TRAPPC9: variants seen among roughly 807,000 people sequenced by gnomAD.
TRAPPC9 encodes the protein IKK2 binding protein.
A neutral mutation model predicts 124.0 loss-of-function variants in TRAPPC9; 83 were observed. That is an observed-to-expected ratio of 0.67 (90% CI 0.56 to 0.80). The LOEUF (loss-of-function observed/expected upper bound fraction) is 0.80, where lower values mean the gene tolerates loss of function less well. TRAPPC9 is among the 30% of genes least tolerant of loss of function. The pLI, the probability that TRAPPC9 is intolerant of heterozygous loss-of-function variation, is 0.00. For missense variants in TRAPPC9, 1,302 were observed against 1,508.3 expected (o/e 0.86, Z 2.27); for synonymous variants, 638 against 617.5 (o/e 1.03, Z -0.49).
At chr8:139,938,006 C>G (rs1833646446) in intron 19 of TRAPPC9, among the ~76,000 whole-genome samples, 1 of 152,064 alleles carries the variant, frequency 6.6e-6, no homozygotes, top group Non-Finnish European at 1.5e-5. Flanking sequence ...GAGATCAACT[C>G]AGCCAGAAAA....
At chr8:140,263,073 G>C (rs370652327) in intron 15 of TRAPPC9, among the ~76,000 whole-genome samples, 1 of 152,166 alleles carries the variant, frequency 6.6e-6, no homozygotes, top group Non-Finnish European at 1.5e-5. Flanking sequence ...CACTCAGCCC[G>C]GTGTCCCCAG....
intron 19 of TRAPPC9, among the ~76,000 whole-genome samples, chr8:139,949,037 T>A (rs1834462167): frequency 6.6e-6 from 1 of 151,982 alleles, no homozygotes. Context: ...TGCACCACTG[T>A]ACTCCGGCCT....
chr8:139,838,661 C>CGG lies in TRAPPC9; in HGVS notation c.3055+47216_3055+47217dup, dbSNP rs145260856. On this transcript the variant is annotated intron_variant, in intron 21 of 22. Coordinates refer to ENST00000438773, the MANE Select transcript of TRAPPC9 (RefSeq NM_001160372.4). ...CAGGAAGAGGCTGCTGCTGTGATGA[C>CGG]GGGTGGGTGGCAAGGTTACCGAGGA... Among the ~76,000 whole-genome samples the CGG allele has an allele frequency of 4.6e-3, 702 of 152,134 alleles. 6 individuals are homozygous for CGG. Among genetic ancestry groups the CGG allele is most frequent in the African/African-American group, 0.016 (650 of 41,498 alleles).
chr8:139,919,788 C>T (rs1437214993), intron 19 of TRAPPC9, among the ~76,000 whole-genome samples: 2 of 152,198 alleles, frequency 1.3e-5, no homozygotes, highest in African/African-American at 4.8e-5. Flanking sequence ...TGGCCCAGAG[C>T]AGGTGCGGAG....
At chr8:139,816,493 C>G (rs1824844436) in intron 21 of TRAPPC9, among the ~76,000 whole-genome samples, 1 of 152,116 alleles carries the variant, frequency 6.6e-6, no homozygotes. Context: ...GGGGCTGCCC[C>G]CATCTCAGTA....
At chr8:140,323,664 A>G (rs1174004923) in intron 9 of TRAPPC9, among the ~76,000 whole-genome samples, 1 of 152,210 alleles carries the variant, frequency 6.6e-6, no homozygotes, top group Non-Finnish European at 1.5e-5. Context: ...TGTCATGTTG[A>G]GAGAACAGAA....
intron 17 of TRAPPC9, among the ~76,000 whole-genome samples, chr8:140,046,128 G>T (rs1281327859): frequency 2.0e-5 from 3 of 152,194 alleles, no homozygotes; most frequent in Non-Finnish European, 2.9e-5. Flanking sequence ...TGCCCAAGGA[G>T]ACTGGCGTCC....
At chr8:140,000,533 C>A (rs887859230) in intron 18 of TRAPPC9, among the ~76,000 whole-genome samples, 1 of 152,054 alleles carries the variant, frequency 6.6e-6, no homozygotes, top group African/African-American at 2.4e-5. Context: ...AACAAATTTA[C>A]AAGAAAAAAA....
chr8:139,739,769 A>C (rs1479784654), intron 21 of TRAPPC9, among the ~76,000 whole-genome samples: 1 of 152,214 alleles, frequency 6.6e-6, no homozygotes, highest in Non-Finnish European at 1.5e-5. Flanking sequence ...TTCATTGTTA[A>C]CTACCCGTGT....
At chr8:140,080,571 T>C (rs1843755992) in intron 17 of TRAPPC9, among the ~76,000 whole-genome samples, 1 of 152,118 alleles carries the variant, frequency 6.6e-6, no homozygotes, top group African/African-American at 2.4e-5. Context: ...CAACCCACTC[T>C]CATGTTGACT....
At position 139,732,079 on chromosome 8, in the gene TRAPPC9, A is replaced by AG; in HGVS notation, c.3178dup (p.Leu1060ProfsTer115). On this transcript the variant is annotated frameshift_variant, in exon 22 of 23. Transcript: ENST00000438773. LOFTEE classifies it high-confidence loss of function. ...GTGGTCCTGGAAGGGGACCACAGTG[A>AG]GGGCGAAGGGCCCTACGCTGCGCGG... is the stretch of plus-strand genomic sequence containing the variant. 6.2e-7 allele frequency: 1 copy of AG among 1,605,704 alleles called. No homozygotes were observed. Among genetic ancestry groups the AG allele is most frequent in the East Asian group, 2.2e-5 (1 of 44,518 alleles).
At chr8:140,450,360 C>T (rs2132699884) in intron 2 of TRAPPC9, among the ~76,000 whole-genome samples, 1 of 150,412 alleles carries the variant, frequency 6.6e-6, no homozygotes, top group African/African-American at 2.4e-5. Flanking sequence ...GACTCTGTCT[C>T]AAAAAAAAAT....
intron 19 of TRAPPC9, among the ~76,000 whole-genome samples, chr8:139,921,252 G>A (rs1485296497): frequency 1.3e-5 from 2 of 152,338 alleles, no homozygotes; most frequent in African/African-American, 4.8e-5. Context: ...GCAGAAACAG[G>A]GATGCCGCCC....
chr8:140,251,500 A>C (rs2064132007), intron 16 of TRAPPC9, among the ~76,000 whole-genome samples: 1 of 152,234 alleles, frequency 6.6e-6, no homozygotes, highest in Admixed American at 6.5e-5. Flanking sequence ...ATATAAAAAG[A>C]ATATTTTACC....
chr8:139,936,511 C>T (rs752876314), intron 19 of TRAPPC9, among the ~76,000 whole-genome samples: 146 of 152,318 alleles, frequency 9.6e-4, no homozygotes, highest in Non-Finnish European at 1.8e-3. Context: ...GGAAGTCACT[C>T]GGCTTAGAGC....
intron 19 of TRAPPC9, among the ~76,000 whole-genome samples, chr8:139,923,224 T>C (rs1388003905): frequency 6.6e-6 from 1 of 152,198 alleles, no homozygotes; most frequent in South Asian, 2.1e-4. Flanking sequence ...GCTGAACCTA[T>C]ACAAGAAGAC....
intron 18 of TRAPPC9, among the ~76,000 whole-genome samples, chr8:139,996,815 T>C (rs199862993): frequency 2.0e-5 from 3 of 152,088 alleles, no homozygotes; most frequent in Non-Finnish European, 2.9e-5. Flanking sequence ...TCTCGGCTCA[T>C]TGCAACCTCT....
At chr8:140,125,405 G>T (rs1436006465) in intron 17 of TRAPPC9, among the ~76,000 whole-genome samples, 1 of 152,114 alleles carries the variant, frequency 6.6e-6, no homozygotes, top group Non-Finnish European at 1.5e-5. Context: ...AGACCACGGG[G>T]TCAACTCAGG....
intron 9 of TRAPPC9, among the ~76,000 whole-genome samples, chr8:140,317,515 C>T (rs1195122005): frequency 1.3e-5 from 2 of 152,170 alleles, no homozygotes; most frequent in Non-Finnish European, 2.9e-5. Context: ...GAGACTAAAA[C>T]CCAGAGGCTA....
Sources: allele counts gnomAD v4.1 joint callset (sites outside exome capture counted in the v4.1 genomes callset), GRCh38; gene constraint gnomAD v4.1.1; transcripts MANE v1.5; gene names NCBI Gene and HGNC (gene_info 2026-07-23, HGNC 2026-07-21).